ICA1L: variants seen among roughly 807,000 people sequenced by gnomAD.
ICA1L encodes the protein islet cell autoantigen 1-like protein.
In ICA1L, 50 loss-of-function variants were observed where a neutral mutation model predicts 61.3. The observed-to-expected ratio is 0.82, with a 90% confidence interval of 0.65 to 1.03. ICA1L has a LOEUF of 1.03. Ranked by LOEUF, ICA1L falls within the 50% of genes least tolerant of loss-of-function variation. The probability of loss-of-function intolerance (pLI) is 0.00; values close to 1 mark genes in which losing one functional copy is unlikely to be tolerated. For missense variants in ICA1L, 508 were observed against 556.7 expected (o/e 0.91, Z 0.88); for synonymous variants, 161 against 191.3 (o/e 0.84, Z 1.31).
intron 1 of ICA1L, among the ~76,000 whole-genome samples, chr2:202,855,260 A>T (rs1054305388): frequency 6.6e-6 from 1 of 152,122 alleles, no homozygotes; most frequent in Non-Finnish European, 1.5e-5. Context: ...AGAGCAAAGA[A>T]ATTCAAAAAC....
chr2:202,788,359 A>G (rs905445935), intron 11 of ICA1L, among the ~76,000 whole-genome samples: 1 of 152,146 alleles, frequency 6.6e-6, no homozygotes, highest in Non-Finnish European at 1.5e-5. Context: ...TTGGTAACCA[A>G]TATGGATGTG....
chr2:202,803,975 AATC>A (rs1693158750), intron 9 of ICA1L, among the ~76,000 whole-genome samples: 2 of 152,336 alleles, frequency 1.3e-5, no homozygotes, highest in Admixed American at 1.3e-4. Context: ...TAAAAAAATA[AATC>A]ATAAGTGTTA....
At chr2:202,784,833 A>G (rs1414497915) in intron 12 of ICA1L, among the ~76,000 whole-genome samples, 1 of 152,242 alleles carries the variant, frequency 6.6e-6, no homozygotes, top group Non-Finnish European at 1.5e-5. Flanking sequence ...TTGAACGGGC[A>G]TAAAGTTTCA....
intron 1 of ICA1L, among the ~76,000 whole-genome samples, chr2:202,838,197 C>T (rs1694207980): frequency 1.3e-5 from 2 of 152,044 alleles, no homozygotes; most frequent in Non-Finnish European, 2.9e-5. Context: ...TTTTTTGACA[C>T]GTTTGTTGTT....
At position 202,775,185 on chromosome 2, in the gene ICA1L, A is replaced by T. The variant is rs1286476714; in HGVS notation, c.*4348T>A. On this transcript the variant is annotated 3_prime_UTR_variant, in exon 13 of 13. Transcript: ENST00000358299. ...CATGAAATGCATTACTTTCAGTTCTACTAAATTAATATTTTAAAGTTCGTT... is the reference window on the plus strand; with the variant it reads ...CATGAAATGCATTACTTTCAGTTCTTCTAAATTAATATTTTAAAGTTCGTT... 1 of 152,200 alleles carries T rather than the reference A, an allele frequency of 6.6e-6. No individual in the cohort carries two copies. The highest frequency in any genetic ancestry group is 1.5e-5 in the Non-Finnish European group (1 of 68,040). 9.4% of individuals were successfully genotyped at this position (152,200 alleles called of 1,614,324 possible). A position where few individuals can be genotyped will look rare whatever the true frequency, so the allele number is the denominator to read the frequency against.
At chr2:202,835,212 TTCC>T (rs1403532033) in intron 1 of ICA1L, among the ~76,000 whole-genome samples, 4 of 136,768 alleles carry the variant, frequency 2.9e-5, no homozygotes, top group Admixed American at 8.2e-5. Context: ...TATTGATTTC[TTCC>T]TTTTTTTTTT....
chr2:202,834,402 G>C (rs1694092146), intron 1 of ICA1L, among the ~76,000 whole-genome samples: 1 of 152,170 alleles, frequency 6.6e-6, no homozygotes, highest in Admixed American at 6.5e-5. Context: ...GCTGAGGCGG[G>C]TGGATAACTT....
Position 202,817,573 on chromosome 2 carries a change from G to T in ICA1L, c.559-30C>A, listed in dbSNP as rs747352989. ...AATAAAAATGCTAATTTTTATTACA[G>T]ATATATACTATAAATATAGTATGTT... On this transcript the variant is annotated intron_variant, in intron 5 of 12. Transcript: ENST00000358299. The T allele has an allele frequency of 3.7e-6, 5 of 1,368,042 alleles. No homozygotes were observed. In the African/African-American group the frequency reaches 7.3e-5, roughly 20 times the overall value. 84.7% of individuals were successfully genotyped at this position (1,368,042 alleles called of 1,614,324 possible). A position where few individuals can be genotyped will look rare whatever the true frequency, so the allele number is the denominator to read the frequency against.
At chr2:202,793,510 A>T (rs1326004106) in intron 10 of ICA1L, among the ~76,000 whole-genome samples, 1 of 147,370 alleles carries the variant, frequency 6.8e-6, no homozygotes, top group African/African-American at 2.5e-5. Flanking sequence ...AAAAAAAAAA[A>T]AAAAAAAAAA....
intron 1 of ICA1L, among the ~76,000 whole-genome samples, chr2:202,851,420 A>G (rs1694617055): frequency 6.6e-6 from 1 of 152,158 alleles, no homozygotes; most frequent in Admixed American, 6.5e-5. Context: ...ATTGATGGAC[A>G]TTTGGGTTGG....
intron 12 of ICA1L, among the ~76,000 whole-genome samples, chr2:202,782,860 T>G (rs1470247319): frequency 6.6e-6 from 1 of 152,204 alleles, no homozygotes; most frequent in Admixed American, 6.5e-5. Context: ...TACTTTATAG[T>G]GTCTGTTTTA....
rs537178663 is a variant in ICA1L at position 202,775,572 on chromosome 2, T to G, written c.*3961A>C. 1 of 152,238 alleles carries G rather than the reference T, an allele frequency of 6.6e-6. No homozygotes were observed. The highest frequency in any genetic ancestry group is 2.4e-5 in the African/African-American group (1 of 41,458). 9.4% of individuals were successfully genotyped at this position (152,238 alleles called of 1,614,324 possible). A position where few individuals can be genotyped will look rare whatever the true frequency, so the allele number is the denominator to read the frequency against. ...TCTCACTCTGTCACCCAGGCTGGAG[T>G]GCATGGCCTGATCTCAGCTCACTGC... On this transcript the variant is annotated 3_prime_UTR_variant, in exon 13 of 13. Coordinates refer to ENST00000358299, the MANE Select transcript of ICA1L (RefSeq NM_001288622.3).
At chr2:202,836,897 A>C (rs1694168293) in intron 1 of ICA1L, among the ~76,000 whole-genome samples, 1 of 152,024 alleles carries the variant, frequency 6.6e-6, no homozygotes, top group Non-Finnish European at 1.5e-5. Flanking sequence ...GCTGGAGTGC[A>C]GTGGCACGAT....
rs1308518328 is a variant in ICA1L, at chr2:202,796,104, T to C, written c.985+786A>G. 2.0e-5 allele frequency among the ~76,000 whole-genome samples: 3 copies of C among 149,942 alleles called. No individual in the cohort carries two copies. The Admixed American group carries it at 2.0e-4, about 10-fold the overall frequency. On this transcript the variant is annotated intron_variant, in intron 10 of 12. Coordinates refer to ENST00000358299, the MANE Select transcript of ICA1L (RefSeq NM_001288622.3). ...AAAAAAAAAGGTAACGTTTGATCCA[T>C]TGCTAACACTCTACACATAAATTAA...
At position 202,774,247 on chromosome 2, in the gene ICA1L, C is replaced by T. The variant is rs1475693700; in HGVS notation, c.*5286G>A. On this transcript the variant is annotated 3_prime_UTR_variant, in exon 13 of 13. Coordinates refer to ENST00000358299, the MANE Select transcript of ICA1L (RefSeq NM_001288622.3). ...GGGGCGGCTCCTGAGTCTTCTCGCT[C>T]CTGTCGGCCAAAGGCCGTGACCCCG... is the stretch of plus-strand genomic sequence containing the variant. The T allele has an allele frequency of 1.4e-5, 22 of 1,546,542 alleles. No individual in the cohort carries two copies. The highest frequency in any genetic ancestry group is 1.7e-5 in the Non-Finnish European group (20 of 1,145,702).
intron 9 of ICA1L, among the ~76,000 whole-genome samples, chr2:202,799,959 T>C (rs1203328869): frequency 6.6e-6 from 1 of 151,598 alleles, no homozygotes; most frequent in African/African-American, 2.4e-5. Flanking sequence ...CTCACTGCAT[T>C]CTCCGCCTCC....
At chr2:202,806,465 G>A (rs1693228656) in intron 9 of ICA1L, among the ~76,000 whole-genome samples, 1 of 151,856 alleles carries the variant, frequency 6.6e-6, no homozygotes, top group Non-Finnish European at 1.5e-5. Context: ...GGGCAATATG[G>A]CGAAACCCAG....
rs1308145629 is a variant in ICA1L at position 202,860,309 on chromosome 2, T to TAATAATAAA, written c.-8+11309_-8+11310insTTTATTATT. On this transcript the variant is annotated intron_variant, in intron 1 of 12. Transcript: ENST00000358299. ...ATAATAATAATAATGATAATAATAA[T>TAATAATAAA]AAATGGGAAAATAGAAAAGGAACAC... 8.7e-5 allele frequency: 13 copies of TAATAATAAA among 148,664 alleles called. No individual in the cohort carries two copies. The East Asian group carries it at 1.2e-3, about 13-fold the overall frequency. 9.2% of individuals were successfully genotyped at this position (148,664 alleles called of 1,614,324 possible).
rs1694550313 is a variant in ICA1L at position 202,849,319 on chromosome 2, G to A, written c.-7-20303C>T. ...CCCTGGAAAGGGGGCTGAGGCCAGG[G>A]AGCCAAGTGGTCTCGCTCAGTGGGT... On this transcript the variant is annotated intron_variant, in intron 1 of 12. Coordinates refer to ENST00000358299, the MANE Select transcript of ICA1L (RefSeq NM_001288622.3). The surrounding 1 kb of genome is among the most constrained non-coding windows in gnomAD (Gnocchi z 4.5). 6.6e-6 allele frequency among the ~76,000 whole-genome samples: 1 copy of A among 152,196 alleles called. No individual in the cohort carries two copies. The highest frequency in any genetic ancestry group is 1.5e-5 in the Non-Finnish European group (1 of 68,030).
Sources: allele counts gnomAD v4.1 joint callset (sites outside exome capture counted in the v4.1 genomes callset), GRCh38; gene constraint gnomAD v4.1.1; non-coding constraint Gnocchi (gnomAD v3.1); transcripts MANE v1.5; gene names NCBI Gene and HGNC (gene_info 2026-07-23, HGNC 2026-07-21).